ESRRG: variants seen among roughly 807,000 people sequenced by gnomAD.
ESRRG encodes estrogen related receptor gamma.
A neutral mutation model predicts 44.0 loss-of-function variants in ESRRG; 13 were observed. That is an observed-to-expected ratio of 0.30 (90% CI 0.19 to 0.47). The LOEUF (loss-of-function observed/expected upper bound fraction) is 0.47, where lower values mean the gene tolerates loss of function less well. ESRRG is among the 20% of genes least tolerant of loss of function. The pLI, the probability that ESRRG is intolerant of heterozygous loss-of-function variation, is 1.00. For missense variants in ESRRG, 395 were observed against 580.6 expected, an observed-to-expected ratio of 0.68 and a Z score of 3.29; for synonymous variants, 215 against 214.6, an observed-to-expected ratio of 1.00 and a Z score of -0.02.
chr1:216,883,403 A>G (rs953440164), intron 2 of ESRRG, among the ~76,000 whole-genome samples: 3 of 149,980 alleles, frequency 2.0e-5, no homozygotes, highest in Non-Finnish European at 3.0e-5. Flanking sequence ...AAAAAAAAAA[A>G]AAAAAAAAAA....
intron 4 of ESRRG, among the ~76,000 whole-genome samples, chr1:216,565,917 A>G (rs1304530095): frequency 6.6e-6 from 1 of 152,116 alleles, no homozygotes; most frequent in Non-Finnish European, 1.5e-5. Context: ...TTAGATTCTC[A>G]GGATTAGAAG....
chr1:216,769,440 T>G (rs904459293), intron 2 of ESRRG, among the ~76,000 whole-genome samples: 1 of 152,034 alleles, frequency 6.6e-6, no homozygotes, highest in African/African-American at 2.4e-5. Context: ...TAGTGTGAGA[T>G]GACATTGGGA....
intron 2 of ESRRG, among the ~76,000 whole-genome samples, chr1:216,813,505 T>A (rs1296931317): frequency 6.6e-6 from 1 of 152,206 alleles, no homozygotes. Context: ...TTATAACTAG[T>A]ATCTATTTTA....
chr1:216,778,341 T>C (rs867012344), intron 2 of ESRRG, among the ~76,000 whole-genome samples: 1 of 152,004 alleles, frequency 6.6e-6, no homozygotes, highest in African/African-American at 2.4e-5. Context: ...CTTAGATCAG[T>C]CATTAGAGCC....
chr1:216,833,540 T>C (rs1218714731), intron 2 of ESRRG, among the ~76,000 whole-genome samples: 2 of 152,212 alleles, frequency 1.3e-5, no homozygotes, highest in Non-Finnish European at 2.9e-5. Flanking sequence ...TCATCGTTTC[T>C]GTGACAAATT....
chr1:216,737,928 T>G (rs2090170591), intron 2 of ESRRG, among the ~76,000 whole-genome samples: 1 of 151,948 alleles, frequency 6.6e-6, no homozygotes, highest in African/African-American at 2.4e-5. Context: ...CAGTGGCTTG[T>G]GTTAGATGCC....
chr1:216,656,225 C>T (rs554877101), intron 2 of ESRRG, among the ~76,000 whole-genome samples: 42 of 152,252 alleles, frequency 2.8e-4, no homozygotes, highest in African/African-American at 7.9e-4. Flanking sequence ...TTGCTATTTT[C>T]TGGGACACAT....
chr1:216,960,083 T>C (rs2437880), intron 1 of ESRRG, among the ~76,000 whole-genome samples: 78,288 of 151,904 alleles, frequency 0.52, 21,907 homozygotes, highest in Middle Eastern at 0.7. Flanking sequence ...TGTGTGTGTA[T>C]GTACATTTAA....
intron 1 of ESRRG, among the ~76,000 whole-genome samples, chr1:217,080,158 C>T (rs886884735): frequency 4.6e-5 from 7 of 152,124 alleles, no homozygotes; most frequent in African/African-American, 1.7e-4. Flanking sequence ...CACAGTGTCA[C>T]GTATACATAT....
At chr1:216,629,794 G>A (rs1167423538) in intron 3 of ESRRG, among the ~76,000 whole-genome samples, 2 of 152,208 alleles carry the variant, frequency 1.3e-5, no homozygotes, top group East Asian at 1.9e-4. Flanking sequence ...TGGTGTCCTT[G>A]GGGTGGAGAC....
chr1:217,037,719 CAA>C (rs1309965294), intron 1 of ESRRG, among the ~76,000 whole-genome samples: 2 of 152,080 alleles, frequency 1.3e-5, no homozygotes, highest in Admixed American at 6.5e-5. Flanking sequence ...GTCCACAGTC[CAA>C]AGTCTTATCT....
chr1:216,613,064 G>C (rs2060890014), intron 3 of ESRRG, among the ~76,000 whole-genome samples: 1 of 152,146 alleles, frequency 6.6e-6, no homozygotes, highest in African/African-American at 2.4e-5. Flanking sequence ...AGGGATTTCA[G>C]GGGGAATTTT....
At chr1:216,676,781 C>T (rs1410273636) in intron 2 of ESRRG, among the ~76,000 whole-genome samples, 4 of 152,156 alleles carry the variant, frequency 2.6e-5, no homozygotes, top group Non-Finnish European at 5.9e-5. Context: ...TGTACAGTTG[C>T]TATATAGACC....
intron 1 of ESRRG, among the ~76,000 whole-genome samples, chr1:216,971,115 T>C (rs888277206): frequency 2.0e-5 from 3 of 152,080 alleles, no homozygotes; most frequent in Non-Finnish European, 2.9e-5. Context: ...CATTATAAAA[T>C]AGTGTAGAAG....
At chr1:216,899,232 A>T (rs1041665321) in intron 2 of ESRRG, among the ~76,000 whole-genome samples, 3 of 152,196 alleles carry the variant, frequency 2.0e-5, no homozygotes, top group African/African-American at 7.2e-5. Context: ...TCACTACTTG[A>T]CCACTGTCAT....
At chr1:216,876,262 C>T (rs1025045292) in intron 2 of ESRRG, among the ~76,000 whole-genome samples, 2 of 152,028 alleles carry the variant, frequency 1.3e-5, no homozygotes, top group African/African-American at 4.8e-5. Flanking sequence ...CCCAATAGAT[C>T]TTAAAATGTA....
chr1:216,734,300 C>T (rs1326356865), intron 2 of ESRRG, among the ~76,000 whole-genome samples: 1 of 152,116 alleles, frequency 6.6e-6, no homozygotes. Context: ...TATGGTTTGG[C>T]TATTTTGTCT....
intron 2 of ESRRG, among the ~76,000 whole-genome samples, chr1:216,795,057 C>CA (rs996155624): frequency 6.6e-6 from 1 of 151,936 alleles, no homozygotes; most frequent in African/African-American, 2.4e-5. Context: ...TGGGGTGGTA[C>CA]AAAAAAGGGC....
At chr1:216,896,951 C>T (rs982387348) in intron 2 of ESRRG, among the ~76,000 whole-genome samples, 12 of 152,242 alleles carry the variant, frequency 7.9e-5, no homozygotes, top group African/African-American at 2.9e-4. Context: ...TAAAATGTTA[C>T]CTAGAGACCT....
Sources: gnomAD v4.1 joint callset for allele counts (sites outside exome capture counted in the v4.1 genomes callset) on GRCh38, gnomAD v4.1.1 for gene constraint, MANE v1.5 for transcripts, NCBI Gene and HGNC (gene_info 2026-07-23, HGNC 2026-07-21) for gene names.